The following PLD1 variants were observed in gnomAD, a reference collection of about 807,000 sequenced individuals.
PLD1 encodes the protein phospholipase D1.
A neutral mutation model predicts 137.1 loss-of-function variants in PLD1; 112 were observed. The observed-to-expected ratio is 0.82, with a 90% CI of 0.70 to 0.96. The LOEUF (loss-of-function observed/expected upper bound fraction) is 0.96. Among genes scored for constraint, PLD1 ranks in the 40% least tolerant of loss-of-function variants. PLD1 has a pLI of 0.00. For synonymous variants in PLD1, 431 were observed against 454.7 expected (o/e 0.95, Z 0.66); for missense variants, 1,321 against 1,342.0 (o/e 0.98, Z 0.24).
At chr3:171,604,989 C>T (rs1462720823) in intron 26 of PLD1, among the ~76,000 whole-genome samples, 2 of 152,102 alleles carry the variant, frequency 1.3e-5, no homozygotes, top group Non-Finnish European at 2.9e-5. Context: ...GCCATCTGCC[C>T]CTCTTCTCTT....
chr3:171,767,920 G>T (rs1297094295), intron 1 of PLD1, among the ~76,000 whole-genome samples: 1 of 151,382 alleles, frequency 6.6e-6, no homozygotes, highest in Non-Finnish European at 1.5e-5. Context: ...TCCAGCCTGG[G>T]CAACAGAGTG....
intron 1 of PLD1, among the ~76,000 whole-genome samples, chr3:171,761,159 A>G (rs955636630): frequency 6.6e-6 from 1 of 152,158 alleles, no homozygotes; most frequent in African/African-American, 2.4e-5. Context: ...GGAATTTTGG[A>G]TCAGCCAACA....
intron 13 of PLD1, among the ~76,000 whole-genome samples, chr3:171,690,828 T>C (rs1436909905): frequency 6.6e-6 from 1 of 152,192 alleles, no homozygotes; most frequent in Non-Finnish European, 1.5e-5. Flanking sequence ...ATGTTCTGTA[T>C]GCCCATTGGA....
At position 171,685,580 on chromosome 3, in the gene PLD1, G is replaced by A. The variant is rs182381743; in HGVS notation, c.1867+1105C>T. Among the ~76,000 whole-genome samples the A allele has an allele frequency of 3.9e-5, 6 of 152,234 alleles. No homozygotes were observed. In the East Asian group the frequency reaches 9.6e-4, roughly 24 times the overall value. On this transcript the variant is annotated intron_variant, in intron 16 of 26. Coordinates refer to ENST00000351298, the MANE Select transcript of PLD1 (RefSeq NM_002662.5). ...CTACCAAGCACTGCAACTACTCAGGGCAGTGATGGATAGAGTCTGTGCAAA... is the reference window on the plus strand; with the variant it reads ...CTACCAAGCACTGCAACTACTCAGGACAGTGATGGATAGAGTCTGTGCAAA...
chr3:171,688,874 C>T lies in PLD1; in HGVS notation c.1341G>A (p.Val447=), dbSNP rs765996454. ...TLMRLHPNIK[V]MRHPDHVSST... is the part of the protein sequence containing the mutation. ...ATGACACATGATCCGGGTGTCTCAT[C>T]ACCTTGAGAGGGAATAATCCCCACT... Residue 447 remains valine (V), a splice_region_variant and synonymous_variant, in exon 14 of 27, where the codon GTG becomes GTA. Coordinates refer to ENST00000351298, the MANE Select transcript of PLD1 (RefSeq NM_002662.5). 6.2e-7 allele frequency: 1 copy of T among 1,611,498 alleles called. No individual in the cohort carries two copies. Among genetic ancestry groups the T allele is most frequent in the Non-Finnish European group, 8.5e-7 (1 of 1,177,818 alleles).
At chr3:171,788,536 C>T (rs929388604) in intron 1 of PLD1, 3 of 152,010 alleles carry the variant, frequency 2.0e-5, no homozygotes, top group Non-Finnish European at 4.4e-5. Flanking sequence ...TATTAGCTTC[C>T]CAAATAAAAA....
rs1186316184 is a variant in PLD1, at chr3:171,708,824, T to C, written c.1076A>G (p.Lys359Arg). 1 of 1,584,686 alleles carries C rather than the reference T, an allele frequency of 6.3e-7. No homozygotes were observed. The highest frequency in any genetic ancestry group is 1.7e-5 in the Admixed American group (1 of 59,994). Residue 359 changes from lysine to arginine, a missense_variant, in exon 11 of 27, where the codon AAA becomes AGA. By Grantham distance (26) the Lys-to-Arg change is conservative. Transcript: ENST00000351298. ...ATTTGCCACATCTTCAAAATATCCT[T>C]TGGCATTAACATACCTGAAAGACAA... ...NALAKWYVNAKGYFEDVANAM... is the reference protein window; with the variant it reads ...NALAKWYVNARGYFEDVANAM...
Position 171,605,324 on chromosome 3 carries a change from G to C in PLD1, c.2975C>G (p.Ala992Gly). 6.2e-7 allele frequency: 1 copy of C among 1,608,496 alleles called. No homozygotes were observed. Among genetic ancestry groups the C allele is most frequent in the Non-Finnish European group, 8.5e-7 (1 of 1,174,916 alleles). ...CTTGTCATAAATTGTAGCATTTCGA[G>C]CTGCTGTTGAAACCCACACCTCCTT... ...FFKEVWVSTAARNATIYDKVF... is the reference protein window; with the variant it reads ...FFKEVWVSTAGRNATIYDKVF... The change falls in exon 26 of 27, where the codon GCT becomes GGT. Residue 992 changes from alanine (A) to glycine (G), a missense_variant. By Grantham distance (60) the Ala-to-Gly change is moderately conservative. Transcript: ENST00000351298.
rs1212582148 is a variant in PLD1, at chr3:171,639,418, T to A, written c.2593+3422A>T. On this transcript the variant is annotated intron_variant, in intron 23 of 26. Coordinates refer to ENST00000351298, the MANE Select transcript of PLD1 (RefSeq NM_002662.5). ...AAATTATATATTTATATATAATTTT[T>A]AATTTATATTTTATATATTATATAA... Among the ~76,000 whole-genome samples the A allele has an allele frequency of 2.1e-4, 26 of 125,702 alleles. No homozygotes were observed. The South Asian group carries it at 5.9e-3, about 29-fold the overall frequency. 82.5% of individuals were successfully genotyped at this position (125,702 alleles called of 152,430 possible). A position where few individuals can be genotyped will look rare whatever the true frequency, so the allele number is the denominator to read the frequency against.
At chr3:171,751,073 T>C (rs1044162588) in intron 1 of PLD1, among the ~76,000 whole-genome samples, 1 of 152,112 alleles carries the variant, frequency 6.6e-6, no homozygotes, top group Non-Finnish European at 1.5e-5. Flanking sequence ...AAAAATAAAC[T>C]GTTTAATAAA....
At chr3:171,681,500 C>G (rs1021487565) in intron 16 of PLD1, among the ~76,000 whole-genome samples, 7 of 152,152 alleles carry the variant, frequency 4.6e-5, no homozygotes, top group African/African-American at 1.7e-4. Flanking sequence ...CCTAAAATGC[C>G]TGTTTTTCTA....
At chr3:171,666,039 C>T (rs984871438) in intron 19 of PLD1, among the ~76,000 whole-genome samples, 2 of 152,296 alleles carry the variant, frequency 1.3e-5, no homozygotes, top group East Asian at 1.9e-4. Flanking sequence ...ATGGAAAATA[C>T]GAATTTCCTT....
At chr3:171,658,951 A>T (rs1335038555) in intron 21 of PLD1, among the ~76,000 whole-genome samples, 2 of 152,212 alleles carry the variant, frequency 1.3e-5, no homozygotes, top group Admixed American at 1.3e-4. Flanking sequence ...TATTAAATAA[A>T]ACAAATCACA....
intron 8 of PLD1, among the ~76,000 whole-genome samples, chr3:171,716,318 C>T (rs1021078957): frequency 3.3e-5 from 5 of 152,162 alleles, no homozygotes; most frequent in African/African-American, 1.2e-4. Flanking sequence ...CATCACACTG[C>T]TTTCCACAAT....
At position 171,732,573 on chromosome 3, in the gene PLD1, G is replaced by A. The variant is rs141479290; in HGVS notation, c.606+871C>T. 4.5e-3 allele frequency among the ~76,000 whole-genome samples: 679 copies of A among 152,300 alleles called. 3 individuals are homozygous for A. The highest frequency in any genetic ancestry group is 0.016 in the African/African-American group (651 of 41,564). The stretch of plus-strand genomic sequence containing the variant: ...TGCATCCTCTCCAAAATACACTAAA[G>A]TCTTTACTGTTTCAGTTTATGTGTT... On this transcript the variant is annotated intron_variant, in intron 6 of 26. Coordinates refer to ENST00000351298, the MANE Select transcript of PLD1 (RefSeq NM_002662.5).
chr3:171,729,990 C>T (rs998250719), intron 6 of PLD1, among the ~76,000 whole-genome samples: 4 of 152,120 alleles, frequency 2.6e-5, no homozygotes, highest in Admixed American at 2.6e-4. Flanking sequence ...GGTAGAGATA[C>T]GATCCTATCA....
chr3:171,764,588 C>T (rs71308522), intron 1 of PLD1, among the ~76,000 whole-genome samples: 1 of 151,842 alleles, frequency 6.6e-6, no homozygotes, highest in African/African-American at 2.4e-5. Flanking sequence ...GTTAGACACT[C>T]CAGAGGCCAA....
chr3:171,800,776 T>C (rs1669499923), intron 1 of PLD1, among the ~76,000 whole-genome samples: 1 of 152,178 alleles, frequency 6.6e-6, no homozygotes, highest in African/African-American at 2.4e-5. Flanking sequence ...AGATTTGGTG[T>C]CTGGTGAAGG....
At chr3:171,725,860 G>A in intron 7 of PLD1, 158 bp downstream of exon 7, 1 of 618,050 alleles carries the variant, frequency 1.6e-6, no homozygotes, top group Non-Finnish European at 2.9e-6. Context: ...GAGATGCTCT[G>A]ATTTGTATGA....
Sources: allele counts gnomAD v4.1 joint callset (sites outside exome capture counted in the v4.1 genomes callset), GRCh38; gene constraint gnomAD v4.1.1; transcripts MANE v1.5; gene names NCBI Gene and HGNC (gene_info 2026-07-23, HGNC 2026-07-21).